The following NFIA variants were observed in gnomAD, a reference collection of about 807,000 sequenced individuals.
The protein encoded by NFIA is nuclear factor I A.
Under a neutral mutation model 62.8 loss-of-function variants are expected in NFIA, and 8 were observed. The ratio of observed to expected loss-of-function variants is 0.13; its 90% CI spans 0.07 to 0.23. The LOEUF (loss-of-function observed/expected upper bound fraction) is 0.23, where lower values mean the gene tolerates loss of function less well. Ranked by LOEUF, NFIA falls within the 10% of genes least tolerant of loss-of-function variation. The pLI is 1.00. For missense variants in NFIA, 410 were observed against 642.1 expected (o/e 0.64, Z 3.91); for synonymous variants, 235 against 238.1 (o/e 0.99, Z 0.12).
intron 2 of NFIA, among the ~76,000 whole-genome samples, chr1:61,126,266 T>C (rs913803105): frequency 6.6e-6 from 1 of 152,182 alleles, no homozygotes; most frequent in African/African-American, 2.4e-5. Context: ...AAATTCTTTC[T>C]TTTATTTAAC....
chr1:61,189,964 CTTG>C, intron 2 of NFIA, among the ~76,000 whole-genome samples: 1 of 152,180 alleles, frequency 6.6e-6, no homozygotes, highest in African/African-American at 2.4e-5. Flanking sequence ...TCACGTATTG[CTTG>C]TTCTTCTTAC....
intron 2 of NFIA, among the ~76,000 whole-genome samples, chr1:61,273,933 T>G (rs1413310522): frequency 6.6e-6 from 1 of 152,224 alleles, no homozygotes; most frequent in Non-Finnish European, 1.5e-5. Context: ...CATGTTTTTG[T>G]CATTCCTCAC....
intron 7 of NFIA, among the ~76,000 whole-genome samples, chr1:61,392,220 C>CTT (rs200267290): frequency 8.9e-5 from 13 of 146,704 alleles, no homozygotes; most frequent in African/African-American, 1.0e-4. Flanking sequence ...CAGCTTTTTT[C>CTT]TTTTTTTTTT....
At chr1:61,094,848 C>G (rs1411974167) in intron 2 of NFIA, among the ~76,000 whole-genome samples, 1 of 152,188 alleles carries the variant, frequency 6.6e-6, no homozygotes, top group Non-Finnish European at 1.5e-5. Flanking sequence ...AATTAGTCCT[C>G]CCGTTAGTGT....
Position 61,082,639 on chromosome 1 carries a change from CAAG to C in NFIA, c.-149_-147del, listed in dbSNP as rs1646129882. The stretch of plus-strand genomic sequence containing the variant: ...TTGAGCCGACTTGGAAATGTGAACG[CAAG>C]AAGCAGGCTTGATTTTTTTTTCTCC... On this transcript the variant is annotated 5_prime_UTR_variant, in exon 1 of 11. Transcript: ENST00000403491. The C allele has an allele frequency of 1.3e-6, 2 of 1,518,456 alleles. No homozygotes were observed. Among genetic ancestry groups the C allele is most frequent in the Non-Finnish European group, 1.8e-6 (2 of 1,128,128 alleles). 94.1% of individuals were successfully genotyped at this position (1,518,456 alleles called of 1,614,324 possible).
chr1:61,350,354 C>T (rs894088770), intron 4 of NFIA, among the ~76,000 whole-genome samples: 15 of 152,176 alleles, frequency 9.9e-5, no homozygotes, highest in Admixed American at 9.8e-4. Context: ...TCCCACCGGG[C>T]ACATGTTGGC....
intron 2 of NFIA, among the ~76,000 whole-genome samples, chr1:61,133,294 A>G (rs1647114725): frequency 6.6e-6 from 1 of 151,684 alleles, no homozygotes; most frequent in South Asian, 2.1e-4. Flanking sequence ...CTGTTGACCT[A>G]ATGAATGCAG....
At chr1:61,185,590 C>A (rs1318568865) in intron 2 of NFIA, among the ~76,000 whole-genome samples, 1 of 151,580 alleles carries the variant, frequency 6.6e-6, no homozygotes, top group African/African-American at 2.4e-5. Flanking sequence ...CCTGCAAAGA[C>A]ACTGCATGAT....
chr1:61,123,919 G>T (rs1266450999), intron 2 of NFIA, among the ~76,000 whole-genome samples: 1 of 152,238 alleles, frequency 6.6e-6, no homozygotes, highest in African/African-American at 2.4e-5. Flanking sequence ...AGATTTGCAT[G>T]TGTAAAAACC....
Position 61,088,071 on chromosome 1 carries a change from T to A in NFIA, c.28-78T>A, listed in dbSNP as rs1208769248. The A allele has an allele frequency of 7.1e-7, 1 of 1,406,042 alleles. No homozygotes were observed. The highest frequency in any genetic ancestry group is 9.7e-7 in the Non-Finnish European group (1 of 1,036,052). The allele number at this position is 1,406,042 out of a possible 1,614,324, so 87.1% of individuals were successfully genotyped here. ...CAAGTGAAATGAGGAATTTCTTTCT[T>A]AAGGTGACCCGCTGAAGAAAAGTTG... is the stretch of plus-strand genomic sequence containing the variant. On this transcript the variant is annotated intron_variant, in intron 1 of 10. Transcript: ENST00000403491. This position sits in a 1 kb window ranked among gnomAD's most constrained non-coding sequence, Gnocchi z 4.5.
chr1:61,127,259 C>T (rs1646992079), intron 2 of NFIA, among the ~76,000 whole-genome samples: 1 of 151,558 alleles, frequency 6.6e-6, no homozygotes, highest in Non-Finnish European at 1.5e-5. Context: ...AGATCGAGAC[C>T]ATCCTGGCTA....
chr1:61,411,986 A>G (rs1039623826), intron 9 of NFIA, among the ~76,000 whole-genome samples: 2 of 151,992 alleles, frequency 1.3e-5, no homozygotes, highest in African/African-American at 4.8e-5. Context: ...ATAGGCTCTT[A>G]TAAGGACTTC....
At chr1:61,448,437 G>A (rs756695828) in intron 10 of NFIA, among the ~76,000 whole-genome samples, 6 of 152,168 alleles carry the variant, frequency 3.9e-5, no homozygotes, top group African/African-American at 9.7e-5. Context: ...TCCTGGGGAC[G>A]TTGGGTCTCA....
chr1:61,258,439 G>A (rs753817250), intron 2 of NFIA, among the ~76,000 whole-genome samples: 4 of 152,282 alleles, frequency 2.6e-5, no homozygotes, highest in Admixed American at 6.5e-5. Flanking sequence ...GTCATCTATA[G>A]ATGTAACTTC....
intron 9 of NFIA, among the ~76,000 whole-genome samples, chr1:61,425,068 AG>A (rs1666805711): frequency 6.6e-6 from 1 of 152,196 alleles, no homozygotes; most frequent in Admixed American, 6.5e-5. Flanking sequence ...TACCACAAAA[AG>A]TTTCTTATTT....
rs1269634817 is a variant in NFIA, at chr1:61,456,119, T to C, written c.*799T>C. ...TCACATGGAAATGGGGAAGATGGTC[T>C]GTTTTGACAGAAACTGACAGGAATC... On this transcript the variant is annotated 3_prime_UTR_variant, in exon 11 of 11. Transcript: ENST00000403491. 6.5e-6 allele frequency: 1 copy of C among 152,684 alleles called. No homozygotes were observed. The highest frequency in any genetic ancestry group is 1.9e-4 in the East Asian group (1 of 5,202). 9.5% of individuals were successfully genotyped at this position (152,684 alleles called of 1,614,324 possible). A position where few individuals can be genotyped will look rare whatever the true frequency, so the allele number is the denominator to read the frequency against.
intron 6 of NFIA, among the ~76,000 whole-genome samples, chr1:61,371,225 T>C (rs1329588051): frequency 6.6e-6 from 1 of 152,216 alleles, no homozygotes; most frequent in Non-Finnish European, 1.5e-5. Context: ...CGTGTAAGGC[T>C]TAAAAGTAGT....
chr1:61,168,022 C>T (rs1313184013), intron 2 of NFIA, among the ~76,000 whole-genome samples: 1 of 152,138 alleles, frequency 6.6e-6, no homozygotes, highest in African/African-American at 2.4e-5. Flanking sequence ...GATAAAGGAC[C>T]ATCAGAGGGC....
At chr1:61,392,394 T>G (rs749167186) in intron 7 of NFIA, among the ~76,000 whole-genome samples, 4 of 152,008 alleles carry the variant, frequency 2.6e-5, no homozygotes, top group Non-Finnish European at 5.9e-5. Context: ...ACTGTACCTT[T>G]ATTGTATTGT....
Sources: gnomAD v4.1 joint callset for allele counts (sites outside exome capture counted in the v4.1 genomes callset) on GRCh38, gnomAD v4.1.1 for gene constraint, Gnocchi (gnomAD v3.1) non-coding constraint, MANE v1.5 for transcripts, NCBI Gene and HGNC (gene_info 2026-07-23, HGNC 2026-07-21) for gene names.